Variants in SLC38A11 observed in about 807,000 individuals in gnomAD.
SLC38A11 encodes putative sodium-coupled neutral amino acid transporter 11.
SLC38A11 carries 51 observed loss-of-function variants against 49.4 expected under a neutral mutation model. That is an observed-to-expected ratio of 1.03 (90% CI 0.83 to 1.30). The LOEUF is 1.30. SLC38A11 is among the 50% of genes most tolerant of loss of function. SLC38A11 has a pLI of 0.00. For synonymous variants in SLC38A11, 203 were observed against 192.9 expected, an observed-to-expected ratio of 1.05 and a Z score of -0.43; for missense variants, 574 against 556.2, an observed-to-expected ratio of 1.03 and a Z score of -0.32.
In SLC38A11 at chr2:164,946,434, C is replaced by T. The variant is rs112640520; in HGVS notation, c.230-707G>A. Among the ~76,000 whole-genome samples, 403 of 151,770 alleles carry T rather than the reference C, an allele frequency of 2.7e-3. 1 individual carries two copies. Among genetic ancestry groups the T allele is most frequent in the Non-Finnish European group, 4.9e-3 (330 of 67,906 alleles). ...TACAAAAATTAGGCAGGTGTGGTGG[C>T]GCACACTTGTAGTCCCAGCTACTTG... is the stretch of plus-strand genomic sequence containing the variant. On this transcript the variant is annotated intron_variant, in intron 3 of 11. Coordinates refer to ENST00000685975, the MANE Select transcript of SLC38A11 (RefSeq NM_001351537.2).
chr2:164,951,559 T>A (rs1688523573), intron 3 of SLC38A11, among the ~76,000 whole-genome samples: 1 of 152,188 alleles, frequency 6.6e-6, no homozygotes, highest in South Asian at 2.1e-4. Context: ...TCAATGCCTC[T>A]CTAGCTTTGA....
chr2:164,921,659 C>T (rs1233726190), intron 7 of SLC38A11, among the ~76,000 whole-genome samples: 41 of 152,058 alleles, frequency 2.7e-4, no homozygotes, highest in Admixed American at 2.7e-3. Flanking sequence ...GAAAAATAAA[C>T]ACGTTGAATA....
At chr2:164,899,888 C>A (rs1684546909) in intron 11 of SLC38A11, among the ~76,000 whole-genome samples, 1 of 151,980 alleles carries the variant, frequency 6.6e-6, no homozygotes, top group African/African-American at 2.4e-5. Flanking sequence ...AATCTGTAGA[C>A]TTGTTCATCC....
chr2:164,948,624 T>G (rs1351329666), intron 3 of SLC38A11, among the ~76,000 whole-genome samples: 2 of 152,152 alleles, frequency 1.3e-5, no homozygotes, highest in African/African-American at 2.4e-5. Context: ...GAAGTCTCAA[T>G]TTTCTCCTCC....
intron 7 of SLC38A11, among the ~76,000 whole-genome samples, chr2:164,933,608 G>T (rs1311695367): frequency 6.6e-6 from 1 of 151,922 alleles, no homozygotes; most frequent in East Asian, 1.9e-4. Flanking sequence ...TCTGATAGTG[G>T]GTTTAAAGAT....
Position 164,945,717 on chromosome 2 carries a change from A to C in SLC38A11, c.240T>G (p.Leu80=). 1 of 1,606,146 alleles carries C rather than the reference A, an allele frequency of 6.2e-7. No homozygotes were observed. Among genetic ancestry groups the C allele is most frequent in the East Asian group, 2.2e-5 (1 of 44,662 alleles). The part of the protein sequence containing the change: ...FWVSYVTDFS[L]VLLIKGGALS... ...GGGCCCCTCCTTTTATCAATAAAAC[A>C]AGGGAAAAGTCTGTGGCAAGAACAT... The change falls in exon 4 of 12, where the codon CTT becomes CTG. Residue 80 remains leucine (L), a synonymous_variant. Coordinates refer to ENST00000685975, the MANE Select transcript of SLC38A11 (RefSeq NM_001351537.2).
intron 3 of SLC38A11, among the ~76,000 whole-genome samples, chr2:164,948,978 G>A (rs1201950601): frequency 6.7e-6 from 1 of 148,996 alleles, no homozygotes; most frequent in Admixed American, 6.7e-5. Flanking sequence ...TTAAATGCCA[G>A]TCTCTGTCAT....
At chr2:164,917,357 A>G (rs1685870306) in intron 7 of SLC38A11, among the ~76,000 whole-genome samples, 1 of 152,170 alleles carries the variant, frequency 6.6e-6, no homozygotes, top group African/African-American at 2.4e-5. Flanking sequence ...GCATTATATC[A>G]TCCTTTTTCC....
intron 3 of SLC38A11, among the ~76,000 whole-genome samples, chr2:164,950,994 T>C (rs530512981): frequency 1.3e-5 from 2 of 152,302 alleles, no homozygotes; most frequent in South Asian, 2.1e-4. Context: ...ATTTAAGAAT[T>C]TGGATCATGC....
Position 164,944,612 on chromosome 2 carries a change from T to G in SLC38A11, c.387A>C (p.Ile129=). Residue 129 remains isoleucine (I), a synonymous_variant, in exon 5 of 12, where the codon ATA becomes ATC. Transcript: ENST00000685975. ...PFIAMISYNI[I]AGDTLSKVFQ... ...AAACTTTGCTCAAAGTATCTCCAGCTATTATATTGTAACTTATCATTGCTA... is the reference window on the plus strand; with the variant it reads ...AAACTTTGCTCAAAGTATCTCCAGCGATTATATTGTAACTTATCATTGCTA... 6.8e-6 allele frequency: 9 copies of G among 1,333,278 alleles called. No homozygotes were observed. Among genetic ancestry groups the G allele is most frequent in the Non-Finnish European group, 8.8e-6 (9 of 1,025,774 alleles). 82.6% of individuals were successfully genotyped at this position (1,333,278 alleles called of 1,614,324 possible).
At chr2:164,929,010 GA>G (rs1303745948) in intron 7 of SLC38A11, among the ~76,000 whole-genome samples, 10 of 152,204 alleles carry the variant, frequency 6.6e-5, no homozygotes, top group Non-Finnish European at 1.3e-4. Context: ...CCATGATAAA[GA>G]TGGTATTTTT....
chr2:164,915,064 T>C (rs748600282), intron 9 of SLC38A11, 48 bp downstream of exon 9: 2 of 1,506,452 alleles, frequency 1.3e-6, no homozygotes, highest in Admixed American at 3.9e-5. Context: ...ACATTCGGTA[T>C]ACCTGTACCA....
chr2:164,945,821 TAAAGAAGCA>T, intron 3 of SLC38A11, 94 bp from the exon 4 acceptor site: 1 of 1,388,010 alleles, frequency 7.2e-7, no homozygotes, highest in Non-Finnish European at 9.9e-7. Flanking sequence ...GGGGAAATTT[TAAAGAAGCA>T]TTTAATTTAA....
chr2:164,906,322 T>G (rs1014112005), intron 11 of SLC38A11, among the ~76,000 whole-genome samples: 7 of 152,178 alleles, frequency 4.6e-5, no homozygotes, highest in Non-Finnish European at 4.4e-5. Context: ...CAACCATTTT[T>G]TATAACATTT....
intron 7 of SLC38A11, among the ~76,000 whole-genome samples, chr2:164,927,577 A>G (rs1686688415): frequency 6.6e-6 from 1 of 152,168 alleles, no homozygotes; most frequent in South Asian, 2.1e-4. Context: ...TTAGAACTTC[A>G]AACTTCATCT....
At chr2:164,908,855 G>T (rs918964799) in intron 10 of SLC38A11, 84 bp from the exon 11 acceptor site, 81 of 1,389,236 alleles carry the variant, frequency 5.8e-5, no homozygotes, top group Middle Eastern at 3.8e-4. Flanking sequence ...TAGTATTTAG[G>T]AATATATAAA....
intron 7 of SLC38A11, among the ~76,000 whole-genome samples, chr2:164,927,502 A>G (rs1411971067): frequency 6.6e-6 from 1 of 152,086 alleles, no homozygotes; most frequent in Admixed American, 6.6e-5. Context: ...GAGGGCCTTT[A>G]TTTTTATATG....
chr2:164,939,845 T>C (rs1381793947), intron 5 of SLC38A11, among the ~76,000 whole-genome samples: 1 of 151,994 alleles, frequency 6.6e-6, no homozygotes, highest in Non-Finnish European at 1.5e-5. Context: ...CTGCCTTCTT[T>C]TGTCTTCTTA....
At chr2:164,922,533 A>C (rs1021403026) in intron 7 of SLC38A11, among the ~76,000 whole-genome samples, 2 of 152,194 alleles carry the variant, frequency 1.3e-5, no homozygotes, top group African/African-American at 4.8e-5. Context: ...GCTCAGGAGA[A>C]TCCTTCTTAG....
Sources: gnomAD v4.1 joint callset for allele counts (sites outside exome capture counted in the v4.1 genomes callset) on GRCh38, gnomAD v4.1.1 for gene constraint, MANE v1.5 for transcripts, NCBI Gene and HGNC (gene_info 2026-07-23, HGNC 2026-07-21) for gene names.